The following SOX5 variants were observed in gnomAD, a reference collection of about 807,000 sequenced individuals.
SOX5 encodes transcription factor SOX-5.
In SOX5, 9 loss-of-function variants were observed where a neutral mutation model predicts 92.0. The ratio of observed to expected loss-of-function variants is 0.10; its 90% CI spans 0.06 to 0.17. The LOEUF (loss-of-function observed/expected upper bound fraction) is 0.17, where lower values mean the gene tolerates loss of function less well. Among genes scored for constraint, SOX5 ranks in the 10% least tolerant of loss-of-function variants. The pLI is 1.00. For missense variants in SOX5, 642 were observed against 944.5 expected (o/e 0.68, Z 4.20); for synonymous variants, 344 against 336.3 (o/e 1.02, Z -0.25).
intron 8 of SOX5, among the ~76,000 whole-genome samples, chr12:23,613,259 T>A (rs1439129971): frequency 6.6e-6 from 1 of 151,808 alleles, no homozygotes; most frequent in African/African-American, 2.4e-5. Flanking sequence ...AAACCTATTT[T>A]CAAAATGACC....
intron 4 of SOX5, among the ~76,000 whole-genome samples, chr12:24,184,546 T>A (rs1398568968): frequency 6.6e-6 from 1 of 152,138 alleles, no homozygotes; most frequent in Non-Finnish European, 1.5e-5. Context: ...TAAATGTGAT[T>A]TTGAGGTGTG....
intron 3 of SOX5, among the ~76,000 whole-genome samples, chr12:23,838,914 A>G (rs1291504352): frequency 7.0e-6 from 1 of 143,430 alleles, no homozygotes; most frequent in Non-Finnish European, 1.5e-5. Flanking sequence ...ATCTTGGCTC[A>G]CTGCAACCTC....
intron 1 of SOX5, among the ~76,000 whole-genome samples, chr12:24,428,817 G>A (rs1378678821): frequency 2.9e-5 from 4 of 137,414 alleles, no homozygotes; most frequent in African/African-American, 5.4e-5. Flanking sequence ...ATTCTACAAC[G>A]ATTTTGCAAC....
chr12:23,656,143 C>T (rs1429750662), intron 7 of SOX5, among the ~76,000 whole-genome samples: 3 of 151,238 alleles, frequency 2.0e-5, no homozygotes, highest in Non-Finnish European at 4.4e-5. Flanking sequence ...TAATATGAAA[C>T]GGGACTGTGA....
intron 4 of SOX5, among the ~76,000 whole-genome samples, chr12:24,106,834 AATAAT>A (rs1946749615): frequency 1.5e-5 from 2 of 136,184 alleles, no homozygotes; most frequent in Non-Finnish European, 1.6e-5. Context: ...TAATAATAAT[AATAAT>A]AAATAGAAGC....
chr12:24,390,322 C>G (rs1958861018), intron 1 of SOX5, among the ~76,000 whole-genome samples: 1 of 152,190 alleles, frequency 6.6e-6, no homozygotes, highest in Admixed American at 6.5e-5. Flanking sequence ...ACACCTCTTG[C>G]TTGAGCAGCT....
intron 8 of SOX5, among the ~76,000 whole-genome samples, chr12:23,635,285 G>T (rs894185995): frequency 6.6e-6 from 1 of 152,110 alleles, no homozygotes. Context: ...ATCCAGGGTG[G>T]AGAAAGAACT....
In SOX5 at chr12:23,855,968, G is replaced by T. The variant is rs191493533; in HGVS notation, c.271-9775C>A. On this transcript the variant is annotated intron_variant, in intron 2 of 14. Coordinates refer to ENST00000451604, the MANE Select transcript of SOX5 (RefSeq NM_006940.6). ...GAGAACTATGTTTAGGGCAAAAGAA[G>T]CTTTTTGTGAAAGAAGCCTTTAACA... is the stretch of plus-strand genomic sequence containing the variant. Among the ~76,000 whole-genome samples, 80 of 152,220 alleles carry T rather than the reference G, an allele frequency of 5.3e-4. 1 individual carries two copies. Among genetic ancestry groups the T allele is most frequent in the Admixed American group, 4.6e-3 (70 of 15,282 alleles).
intron 2 of SOX5, among the ~76,000 whole-genome samples, chr12:23,856,720 G>T (rs141857272): frequency 1.3e-5 from 2 of 152,186 alleles, no homozygotes. Context: ...GAGAGGCACT[G>T]AAATGCACCT....
intron 8 of SOX5, among the ~76,000 whole-genome samples, chr12:23,617,128 GAAAAA>G (rs34672362): frequency 9.4e-6 from 1 of 106,190 alleles, no homozygotes; most frequent in Admixed American, 1.1e-4. Flanking sequence ...TCTGTCTCAA[GAAAAA>G]AAAAAAAAAA....
intron 4 of SOX5, among the ~76,000 whole-genome samples, chr12:24,187,696 T>C (rs1360605871): frequency 1.3e-5 from 2 of 152,196 alleles, no homozygotes. Context: ...CTTTGCCAAC[T>C]ATCCTCTGCA....
At chr12:23,593,273 A>G (rs1049712366) in intron 9 of SOX5, among the ~76,000 whole-genome samples, 1 of 152,150 alleles carries the variant, frequency 6.6e-6, no homozygotes, top group Non-Finnish European at 1.5e-5. Context: ...ATACCACTGC[A>G]TCTGTTGAAG....
chr12:24,403,078 C>G (rs1225205267), intron 1 of SOX5, among the ~76,000 whole-genome samples: 2 of 152,212 alleles, frequency 1.3e-5, no homozygotes, highest in African/African-American at 4.8e-5. Flanking sequence ...TTATTCAAGA[C>G]ATGCTACATT....
At chr12:23,641,510 T>C (rs1461424561) in intron 7 of SOX5, among the ~76,000 whole-genome samples, 1 of 152,104 alleles carries the variant, frequency 6.6e-6, no homozygotes, top group Non-Finnish European at 1.5e-5. Flanking sequence ...GGAAAATAGA[T>C]CCCTTCCCCC....
At chr12:23,574,047 C>A (rs1034791784) in intron 10 of SOX5, among the ~76,000 whole-genome samples, 27 of 151,362 alleles carry the variant, frequency 1.8e-4, no homozygotes, top group African/African-American at 5.8e-4. Flanking sequence ...GTATCTAATG[C>A]AATACCAGCT....
chr12:24,525,394 T>C (rs1161155664), intron 1 of SOX5, among the ~76,000 whole-genome samples: 2 of 151,726 alleles, frequency 1.3e-5, no homozygotes, highest in Non-Finnish European at 2.9e-5. Flanking sequence ...GAAGTGGGAG[T>C]TGATAATCAA....
chr12:24,110,702 G>A (rs908649492), intron 4 of SOX5, among the ~76,000 whole-genome samples: 4 of 151,738 alleles, frequency 2.6e-5, no homozygotes, highest in Non-Finnish European at 4.4e-5. Context: ...TGGCTAACAT[G>A]GTGAAACTCC....
At chr12:23,615,139 T>A (rs2076402067) in intron 8 of SOX5, among the ~76,000 whole-genome samples, 1 of 152,068 alleles carries the variant, frequency 6.6e-6, no homozygotes. Flanking sequence ...TCTTTTTAAT[T>A]ATAACTATTT....
At chr12:23,703,008 C>A (rs2090881517) in intron 6 of SOX5, among the ~76,000 whole-genome samples, 1 of 151,966 alleles carries the variant, frequency 6.6e-6, no homozygotes, top group African/African-American at 2.4e-5. Context: ...GTAAAGAGAA[C>A]AAGATGGGCC....
Sources: allele counts gnomAD v4.1 joint callset (sites outside exome capture counted in the v4.1 genomes callset), GRCh38; gene constraint gnomAD v4.1.1; transcripts MANE v1.5; gene names NCBI Gene and HGNC (gene_info 2026-07-23, HGNC 2026-07-21).